Variants in SNF8 observed in about 807,000 individuals in gnomAD.
SNF8 encodes the protein vacuolar-sorting protein SNF8.
Under a neutral mutation model 36.8 loss-of-function variants are expected in SNF8, and 19 were observed. The ratio of observed to expected loss-of-function variants is 0.52; its 90% CI spans 0.36 to 0.76. SNF8 has a LOEUF of 0.76. SNF8 is among the 30% of genes least tolerant of loss of function. SNF8 has a pLI of 0.00. For synonymous variants in SNF8, 127 were observed against 127.4 expected (o/e 1.00, Z 0.02); for missense variants, 268 against 322.9 (o/e 0.83, Z 1.30).
Position 48,936,222 on chromosome 17 carries a change from G to C in SNF8, c.370C>G (p.Leu124Val). Residue 124 changes from leucine to valine, a missense_variant, in exon 5 of 8, where the codon CTA becomes GTA. Leu to Val is a conservative substitution (Grantham distance 32, BLOSUM62 1). Coordinates refer to ENST00000502492, the MANE Select transcript of SNF8 (RefSeq NM_007241.4). Reference protein sequence around the residue: ...RNGGLITLEELHQQVLKGRGK... With the variant: ...RNGGLITLEEVHQQVLKGRGK... ...CTTCCCTTCAACACCTGTTGATGTA[G>C]TTCCTCCAAAGTTATCAGACCTGTT... The C allele has an allele frequency of 1.9e-6, 3 of 1,613,858 alleles. No homozygotes were observed. The highest frequency in any genetic ancestry group is 2.5e-6 in the Non-Finnish European group (3 of 1,179,812).
rs770037859 is a variant in SNF8, at chr17:48,931,705, C to G, written c.577G>C (p.Val193Leu). ...VLQLAEKNGY[V>L]TVSEIKASLK... ...CTGGCTTTGATCTCACTGACAGTCA[C>G]GTAGCCATTCTTCTGAAGGAAGGAG... Residue 193 changes from valine (V) to leucine (L), a missense_variant, in exon 7 of 8, where the codon GTG becomes CTG. Transcript: ENST00000502492. The G allele has an allele frequency of 1.9e-6, 3 of 1,612,568 alleles. No individual in the cohort carries two copies. The highest frequency in any genetic ancestry group is 2.2e-5 in the East Asian group (1 of 44,794).
At chr17:48,935,912 GC>G (rs1172319849) in intron 5 of SNF8, 2 of 342,270 alleles carry the variant, frequency 5.8e-6, no homozygotes, top group Admixed American at 9.0e-5. Context: ...GATTACTTGA[GC>G]CCAAGAGTTT....
At chr17:48,934,242 A>G (rs1254644446) in intron 5 of SNF8, among the ~76,000 whole-genome samples, 3 of 152,150 alleles carry the variant, frequency 2.0e-5, no homozygotes, top group Non-Finnish European at 4.4e-5. Context: ...GCAAACTGAA[A>G]TGCTTCAAAT....
At chr17:48,935,512 CAAA>C (rs34255720) in intron 5 of SNF8, among the ~76,000 whole-genome samples, 13 of 88,924 alleles carry the variant, frequency 1.5e-4, no homozygotes, top group Non-Finnish European at 1.7e-4. Context: ...GACTCTGTCT[CAAA>C]AAAAAAAAAA....
intron 6 of SNF8, chr17:48,932,546 A>G (rs2040874920): frequency 6.6e-6 from 1 of 152,120 alleles, no homozygotes; most frequent in Non-Finnish European, 1.5e-5. Flanking sequence ...CGGGAGTTCG[A>G]GACCAAACTC....
intron 5 of SNF8, among the ~76,000 whole-genome samples, chr17:48,935,011 C>T (rs74448347): frequency 0.02 from 2,972 of 152,248 alleles, 40 homozygotes; most frequent in Non-Finnish European, 0.033. Context: ...ATCTCACTAC[C>T]ACCTCCTTCC....
chr17:48,940,822 G>C, intron 3 of SNF8, 102 bp downstream of exon 3: 1 of 1,334,812 alleles, frequency 7.5e-7, no homozygotes, highest in Non-Finnish European at 1.0e-6. Context: ...CTTCCTGCAG[G>C]CCTTTCTAGT....
chr17:48,939,083 T>C (rs1598090620), intron 3 of SNF8, among the ~76,000 whole-genome samples: 1 of 146,912 alleles, frequency 6.8e-6, no homozygotes, highest in African/African-American at 2.5e-5. Context: ...ATGGTGAAAC[T>C]CCGTCTCTAC....
intron 2 of SNF8, among the ~76,000 whole-genome samples, chr17:48,943,437 G>A (rs537352395): frequency 2.6e-5 from 4 of 152,180 alleles, no homozygotes; most frequent in South Asian, 2.1e-4. Context: ...GGAGAAACCC[G>A]TCTCTACTAA....
intron 3 of SNF8, among the ~76,000 whole-genome samples, chr17:48,940,233 G>A (rs1232970950): frequency 1.3e-5 from 2 of 151,798 alleles, no homozygotes; most frequent in Non-Finnish European, 2.9e-5. Context: ...TAGAGATGGA[G>A]TCTCGCCATG....
chr17:48,936,898 G>A, intron 4 of SNF8, 122 bp downstream of exon 4: 1 of 750,348 alleles, frequency 1.3e-6, no homozygotes, highest in South Asian at 1.6e-5. Context: ...GCATGAAACA[G>A]CTAAGATGTC....
chr17:48,931,042 C>G (rs1283114137), intron 7 of SNF8, among the ~76,000 whole-genome samples: 1 of 152,126 alleles, frequency 6.6e-6, no homozygotes, highest in African/African-American at 2.4e-5. Flanking sequence ...GTTCCTAGAG[C>G]TGGAAATAAT....
chr17:48,936,258 G>C lies in SNF8; in HGVS notation c.350-16C>G, dbSNP rs754890685. On this transcript the variant is annotated splice_polypyrimidine_tract_variant and intron_variant, in intron 4 of 7. Coordinates refer to ENST00000502492, the MANE Select transcript of SNF8 (RefSeq NM_007241.4). The stretch of plus-strand genomic sequence containing the variant: ...GTTATCAGACCTGTTTGGAGACAGG[G>C]AACAGAAATCAGAAAAAGAGATTAC... 1.9e-6 allele frequency: 3 copies of C among 1,604,208 alleles called. No homozygotes were observed. Among genetic ancestry groups the C allele is most frequent in the Non-Finnish European group, 1.7e-6 (2 of 1,171,300 alleles).
At position 48,940,290 on chromosome 17, in the gene SNF8, C is replaced by T. The variant is rs555224917; in HGVS notation, c.244+634G>A. Among the ~76,000 whole-genome samples the T allele has an allele frequency of 8.6e-5, 13 of 151,670 alleles. 1 individual carries two copies. In the South Asian group the frequency reaches 2.7e-3, roughly 32 times the overall value. ...TCCTGGATTCAAGTGATCTGCCTGCCTTGGCCTTGCAAAGTGCTGGGATTA... is the reference window on the plus strand; with the variant it reads ...TCCTGGATTCAAGTGATCTGCCTGCTTTGGCCTTGCAAAGTGCTGGGATTA... On this transcript the variant is annotated intron_variant, in intron 3 of 7. Coordinates refer to ENST00000502492, the MANE Select transcript of SNF8 (RefSeq NM_007241.4).
chr17:48,931,228 T>C (rs1168364481), intron 7 of SNF8, among the ~76,000 whole-genome samples: 1 of 152,234 alleles, frequency 6.6e-6, no homozygotes, highest in Admixed American at 6.5e-5. Flanking sequence ...ACGATGAAAT[T>C]TGTATATATA....
intron 4 of SNF8, 41 bp from the exon 5 acceptor site, chr17:48,936,283 C>T: frequency 6.7e-7 from 1 of 1,492,354 alleles, no homozygotes; most frequent in Non-Finnish European, 9.3e-7. Flanking sequence ...AAAGAGATTA[C>T]CCACTTTAAA....
chr17:48,933,892 A>G (rs1205841532), intron 5 of SNF8, among the ~76,000 whole-genome samples: 2 of 152,202 alleles, frequency 1.3e-5, no homozygotes, highest in Non-Finnish European at 2.9e-5. Context: ...TCAAAGATAC[A>G]CCTGCAGATG....
chr17:48,937,680 C>A (rs1392530746), intron 3 of SNF8, among the ~76,000 whole-genome samples: 3 of 150,944 alleles, frequency 2.0e-5, no homozygotes, highest in Non-Finnish European at 4.4e-5. Flanking sequence ...GTAATTCCAG[C>A]ACTTTGGGAA....
intron 2 of SNF8, among the ~76,000 whole-genome samples, 168 bp downstream of exon 2, chr17:48,943,757 C>A (rs930496789): frequency 9.2e-5 from 14 of 152,300 alleles, no homozygotes; most frequent in Non-Finnish European, 1.8e-4. Flanking sequence ...AGATGTTAGC[C>A]ATTATTGTTA....
Sources: gnomAD v4.1 joint callset for allele counts (sites outside exome capture counted in the v4.1 genomes callset) on GRCh38, gnomAD v4.1.1 for gene constraint, MANE v1.5 for transcripts, NCBI Gene and HGNC (gene_info 2026-07-23, HGNC 2026-07-21) for gene names.